The following HSPA4L variants were observed in gnomAD, a reference collection of about 807,000 sequenced individuals.
The protein encoded by HSPA4L is heat shock 70 kDa protein 4L.
A neutral mutation model predicts 100.3 loss-of-function variants in HSPA4L; 48 were observed. That is an observed-to-expected ratio of 0.48 (90% confidence interval 0.38 to 0.61). The LOEUF is 0.61. Among genes scored for constraint, HSPA4L ranks in the 20% least tolerant of loss-of-function variants. The pLI is 0.00. For missense variants in HSPA4L, 886 were observed against 988.6 expected (o/e 0.90, Z 1.39); for synonymous variants, 319 against 328.2 (o/e 0.97, Z 0.30).
At chr4:127,782,247 G>T (rs1252806360), upstream of HSPA4L, 1 of 408,428 alleles carries the variant, frequency 2.4e-6, no homozygotes, top group Non-Finnish European at 4.5e-6. Context: ...CGGAGCGGAG[G>T]CTCGCGCGCC....
At chr4:127,828,345 A>G (rs1283911796) in intron 17 of HSPA4L, among the ~76,000 whole-genome samples, 1 of 152,172 alleles carries the variant, frequency 6.6e-6, no homozygotes, top group South Asian at 2.1e-4. Flanking sequence ...AAAATAGCTT[A>G]CATTTATTGT....
chr4:127,831,605 T>C (rs1734084916), intron 18 of HSPA4L, among the ~76,000 whole-genome samples: 1 of 151,018 alleles, frequency 6.6e-6, no homozygotes, highest in Admixed American at 6.6e-5. Flanking sequence ...CCATTAAATA[T>C]AGCATTTTAC....
At chr4:127,827,271 AT>A in intron 16 of HSPA4L, 33 bp from the exon 17 acceptor site, 1 of 1,587,084 alleles carries the variant, frequency 6.3e-7, no homozygotes, top group Non-Finnish European at 8.6e-7. Context: ...AAACTCAAAA[AT>A]TTTTCTTCTT....
intron 1 of HSPA4L, among the ~76,000 whole-genome samples, chr4:127,793,802 G>T (rs183556373): frequency 6.6e-6 from 1 of 152,090 alleles, no homozygotes; most frequent in Non-Finnish European, 1.5e-5. Flanking sequence ...TCTTTTAATG[G>T]GTCATAGATC....
rs144266138 is a variant in HSPA4L at position 127,830,660 on chromosome 4, A to C, written c.2189A>C (p.Asp730Ala). The C allele has an allele frequency of 2.7e-4, 434 of 1,598,642 alleles. No homozygotes were observed. The highest frequency in any genetic ancestry group is 3.5e-4 in the Non-Finnish European group (414 of 1,175,084). The change falls in exon 18 of 19, where the codon GAT becomes GCT. Residue 730 changes from aspartate to alanine, a missense_variant. Physicochemically the swap from Asp to Ala is moderately radical, Grantham distance 126 (BLOSUM62 -2). Coordinates refer to ENST00000296464, the MANE Select transcript of HSPA4L (RefSeq NM_014278.4). ...RNKDERYDHL[D>A]PTEMEKVEKC... is the part of the protein sequence containing the mutation. ...TAGGATGAAAGATATGATCATCTGGATCCTACTGAAATGGAAAAGGTTGAA... is the reference window on the plus strand; with the variant it reads ...TAGGATGAAAGATATGATCATCTGGCTCCTACTGAAATGGAAAAGGTTGAA...
intron 1 of HSPA4L, chr4:127,783,575 A>G: frequency 6.5e-7 from 1 of 1,531,952 alleles, no homozygotes; most frequent in Non-Finnish European, 8.7e-7. Context: ...AATATAATGA[A>G]GTAATTCTGA....
At chr4:127,792,899 C>T (rs546501444) in intron 1 of HSPA4L, among the ~76,000 whole-genome samples, 1 of 152,216 alleles carries the variant, frequency 6.6e-6, no homozygotes, top group South Asian at 2.1e-4. Flanking sequence ...CTGAACACTT[C>T]AGAAAGAGAG....
intron 11 of HSPA4L, chr4:127,809,309 CT>C: frequency 8.3e-7 from 1 of 1,205,048 alleles, no homozygotes; most frequent in Admixed American, 1.7e-5. Flanking sequence ...TCTCGAGACC[CT>C]GTCTTAATAA....
In HSPA4L at chr4:127,808,021, C is replaced by T. The variant is rs780956984; in HGVS notation, c.1270C>T (p.His424Tyr). The T allele has an allele frequency of 3.1e-6, 5 of 1,609,700 alleles. No individual in the cohort carries two copies. In the South Asian group the frequency reaches 4.5e-5, roughly 14 times the overall value. ...SGECEVFCKN[H>Y]PAPFSKVITF... ...GGAATGTGAAGTTTTCTGTAAGAAC[C>T]ATCCTGCCCCATTCTCAAAAGTCAT... Residue 424 changes from histidine (H) to tyrosine (Y), a missense_variant, in exon 11 of 19, where the codon CAT becomes TAT. Coordinates refer to ENST00000296464, the MANE Select transcript of HSPA4L (RefSeq NM_014278.4).
chr4:127,831,614 A>G (rs2148801992), intron 18 of HSPA4L, among the ~76,000 whole-genome samples: 1 of 152,002 alleles, frequency 6.6e-6, no homozygotes, highest in East Asian at 2.0e-4. Context: ...ATAGCATTTT[A>G]CATATAGAGA....
At chr4:127,816,339 GT>G (rs1733669583) in intron 12 of HSPA4L, among the ~76,000 whole-genome samples, 1 of 152,068 alleles carries the variant, frequency 6.6e-6, no homozygotes, top group Non-Finnish European at 1.5e-5. Context: ...AGAATTAACA[GT>G]TTATTACCAT....
chr4:127,815,148 T>C (rs1462113856), intron 12 of HSPA4L, among the ~76,000 whole-genome samples: 2 of 151,998 alleles, frequency 1.3e-5, no homozygotes, highest in Non-Finnish European at 2.9e-5. Context: ...TTTTTTTCTA[T>C]GAGGGTCAGT....
chr4:127,790,285 G>A (rs551153956), intron 1 of HSPA4L, among the ~76,000 whole-genome samples: 36 of 152,312 alleles, frequency 2.4e-4, no homozygotes, highest in African/African-American at 8.4e-4. Flanking sequence ...AAAATTAGAA[G>A]TATTTGAAAG....
chr4:127,815,930 C>G (rs2148794042), intron 12 of HSPA4L, among the ~76,000 whole-genome samples: 1 of 152,178 alleles, frequency 6.6e-6, no homozygotes, highest in Middle Eastern at 3.4e-3. Flanking sequence ...AGGTAGTTGT[C>G]CAGGCAGAGT....
In HSPA4L at chr4:127,830,677, A is replaced by G; in HGVS notation, c.2206A>G (p.Lys736Glu). ...YDHLDPTEME[K>E]VEKCISDAMS... ...TCATCTGGATCCTACTGAAATGGAA[A>G]AGGTTGAAAAATGTATCAGTGATGC... The change falls in exon 18 of 19, where the codon AAG becomes GAG. Residue 736 changes from lysine to glutamate, a missense_variant. Lys to Glu is a moderately conservative substitution (Grantham distance 56). Coordinates refer to ENST00000296464, the MANE Select transcript of HSPA4L (RefSeq NM_014278.4). The G allele has an allele frequency of 6.2e-7, 1 of 1,607,590 alleles. No homozygotes were observed. Among genetic ancestry groups the G allele is most frequent in the Non-Finnish European group, 8.5e-7 (1 of 1,177,454 alleles).
chr4:127,823,440 C>G, intron 15 of HSPA4L, 77 bp from the exon 16 acceptor site: 1 of 981,620 alleles, frequency 1.0e-6, no homozygotes, highest in Non-Finnish European at 1.6e-6. Flanking sequence ...TGAGGCACTG[C>G]ACTGCACTGA....
intron 6 of HSPA4L, 95 bp downstream of exon 6, chr4:127,802,013 A>C: frequency 2.2e-6 from 2 of 915,060 alleles, no homozygotes; most frequent in Non-Finnish European, 3.2e-6. Flanking sequence ...CTGCCCCTTA[A>C]ACTATGACCT....
In HSPA4L at chr4:127,835,202, A is replaced by T. The variant is rs1447212715; in HGVS notation, c.*2328A>T. Reference sequence around the variant, plus strand: ...TATTTTAAAAGATGCATAGTAAAACAGTGTTTTCCTATGGTAAGCAAATAA... The same window carrying T: ...TATTTTAAAAGATGCATAGTAAAACTGTGTTTTCCTATGGTAAGCAAATAA... On this transcript the variant is annotated 3_prime_UTR_variant, in exon 19 of 19. Transcript: ENST00000296464. 7.0e-6 allele frequency: 1 copy of T among 143,470 alleles called. No individual in the cohort carries two copies. The highest frequency in any genetic ancestry group is 2.4e-5 in the African/African-American group (1 of 41,140). The allele number at this position is 143,470 out of a possible 1,614,324, so 8.9% of individuals were successfully genotyped here.
rs1248061798 is a variant in HSPA4L at position 127,822,063 on chromosome 4, T to C, written c.1813-706T>C. ...TGAAATTTGCTATTATAACCATTTT[T>C]AAGTGTATAATTCAATGGCTTTAAT... On this transcript the variant is annotated intron_variant, in intron 14 of 18. Coordinates refer to ENST00000296464, the MANE Select transcript of HSPA4L (RefSeq NM_014278.4). 2.0e-5 allele frequency among the ~76,000 whole-genome samples: 3 copies of C among 152,332 alleles called. No homozygotes were observed. In the South Asian group the frequency reaches 6.2e-4, roughly 32 times the overall value.
Sources: gnomAD v4.1 joint callset for allele counts (sites outside exome capture counted in the v4.1 genomes callset) on GRCh38, gnomAD v4.1.1 for gene constraint, MANE v1.5 for transcripts, NCBI Gene and HGNC (gene_info 2026-07-23, HGNC 2026-07-21) for gene names.